Variants in GALNS observed in about 807,000 individuals in gnomAD.
GALNS encodes galactosamine (N-acetyl)-6-sulfatase, also known as N-acetylgalactosamine-6-sulfatase.
In GALNS, 65 loss-of-function variants were observed where a neutral mutation model predicts 65.9. That is an observed-to-expected ratio of 0.99 (90% confidence interval 0.81 to 1.21). The LOEUF (loss-of-function observed/expected upper bound fraction) is 1.21. GALNS is among the 50% of genes most tolerant of loss of function. GALNS has a pLI of 0.00. For missense variants in GALNS, 776 were observed against 700.7 expected (o/e 1.11, Z -1.21); for synonymous variants, 346 against 288.9 (o/e 1.20, Z -2.00).
At chr16:88,842,049 G>T in intron 2 of GALNS, 78 bp from the exon 3 acceptor site, 1 of 1,271,106 alleles carries the variant, frequency 7.9e-7, no homozygotes, top group Non-Finnish European at 1.1e-6. Context: ...GAGCCCCAAC[G>T]AGTAGACAGA....
chr16:88,822,931 G>A (rs1484008272), intron 11 of GALNS, among the ~76,000 whole-genome samples: 1 of 152,186 alleles, frequency 6.6e-6, no homozygotes, highest in Non-Finnish European at 1.5e-5. Flanking sequence ...AAACGCTGAA[G>A]GACTAGCGGG....
At chr16:88,835,577 C>A in intron 7 of GALNS, 148 bp downstream of exon 7, 1 of 1,346,774 alleles carries the variant, frequency 7.4e-7, no homozygotes, top group East Asian at 2.3e-5. Flanking sequence ...TCTGCTGATC[C>A]CAGGCCAGTG....
At position 88,842,772 on chromosome 16, in the gene GALNS, C is replaced by T. The variant is rs118204447; in HGVS notation, c.178G>A (p.Asp60Asn). ...AGCAGCCCTTCTGCAGCCATCCGGTCCAAATTCGGGGTCTCTCTGGAGGGC... is the reference window on the plus strand; with the variant it reads ...AGCAGCCCTTCTGCAGCCATCCGGTTCAAATTCGGGGTCTCTCTGGAGGGC... ...GEPSRETPNLDRMAAEGLLFP... is the reference protein window; with the variant it reads ...GEPSRETPNLNRMAAEGLLFP... The change falls in exon 2 of 14, where the codon GAC becomes AAC. Residue 60 changes from aspartate to asparagine, a missense_variant. By Grantham distance (23) the Asp-to-Asn change is conservative. Transcript: ENST00000268695. The T allele has an allele frequency of 5.0e-6, 8 of 1,613,112 alleles. No homozygotes were observed. Among genetic ancestry groups the T allele is most frequent in the African/African-American group, 4.0e-5 (3 of 74,926 alleles).
chr16:88,855,346 G>C, intron 1 of GALNS: 1 of 699,924 alleles, frequency 1.4e-6, no homozygotes, highest in Non-Finnish European at 2.6e-6. Flanking sequence ...ATGAAAAGAA[G>C]AAATTCTGAA....
At chr16:88,853,513 G>C (rs907531324) in intron 1 of GALNS, among the ~76,000 whole-genome samples, 12 of 152,174 alleles carry the variant, frequency 7.9e-5, no homozygotes, top group Non-Finnish European at 1.5e-4. Context: ...GAGCTGGCCT[G>C]GGTGGCCCTG....
chr16:88,814,023 T>C lies in GALNS; in HGVS notation c.*416A>G, dbSNP rs1410519510. On this transcript the variant is annotated 3_prime_UTR_variant, in exon 14 of 14. Coordinates refer to ENST00000268695, the MANE Select transcript of GALNS (RefSeq NM_000512.5). ...AATGTACGCCATACACATACTGATC[T>C]TGTGTCTCCCTAAGATGTATAAAGG... is the stretch of plus-strand genomic sequence containing the variant. 3.1e-6 allele frequency: 1 copy of C among 327,212 alleles called. No homozygotes were observed. Among genetic ancestry groups the C allele is most frequent in the Admixed American group, 4.2e-5 (1 of 23,724 alleles). The allele number at this position is 327,212 out of a possible 1,614,324, so 20.3% of individuals were successfully genotyped here.
chr16:88,815,850 T>A (rs1909567299), intron 13 of GALNS: 1 of 974,774 alleles, frequency 1.0e-6, no homozygotes, highest in African/African-American at 2.0e-5. Context: ...AGGGTGTGTT[T>A]GAGTCTGGAT....
In GALNS at chr16:88,826,694, G is replaced by A; in HGVS notation, c.1139+8C>T. On this transcript the variant is annotated splice_region_variant and intron_variant, in intron 10 of 13. Transcript: ENST00000268695. ...GGGGGAAGGGGCCGGGGCAGGTCTA[G>A]CACCAACCTGTCCATCAGCCGGCCC... 6.2e-7 allele frequency: 1 copy of A among 1,612,144 alleles called. No homozygotes were observed. Among genetic ancestry groups the A allele is most frequent in the Non-Finnish European group, 8.5e-7 (1 of 1,179,424 alleles).
At chr16:88,843,362 C>T (rs780091053) in intron 1 of GALNS, 22 of 506,484 alleles carry the variant, frequency 4.3e-5, no homozygotes, top group Non-Finnish European at 6.5e-5. Flanking sequence ...AACTTACGTC[C>T]ACACGCAGGC....
At chr16:88,840,927 C>T in intron 4 of GALNS, 65 bp downstream of exon 4, 1 of 1,329,978 alleles carries the variant, frequency 7.5e-7, no homozygotes, top group Non-Finnish European at 1.1e-6. Flanking sequence ...GGCCATGTCC[C>T]TTGGAACCAA....
chr16:88,820,240 C>T (rs3859025), intron 12 of GALNS, among the ~76,000 whole-genome samples: 68,262 of 151,868 alleles, frequency 0.45, 16,243 homozygotes, highest in East Asian at 0.71. Flanking sequence ...GCAATTCTCC[C>T]GCCTCACCTT....
intron 1 of GALNS, among the ~76,000 whole-genome samples, chr16:88,851,343 G>A (rs1252439849): frequency 6.6e-6 from 1 of 152,124 alleles, no homozygotes; most frequent in African/African-American, 2.4e-5. Flanking sequence ...GACAGACACT[G>A]TCACTAAAAA....
intron 1 of GALNS, chr16:88,855,348 A>C: frequency 2.9e-6 from 2 of 700,204 alleles, no homozygotes; most frequent in South Asian, 3.0e-5. Flanking sequence ...GAAAAGAAGA[A>C]ATTCTGAAAC....
chr16:88,830,378 C>T (rs1184883631), intron 9 of GALNS, among the ~76,000 whole-genome samples: 1 of 152,134 alleles, frequency 6.6e-6, no homozygotes, highest in Admixed American at 6.5e-5. Flanking sequence ...AGAACATCTC[C>T]TGGAGCCTCC....
At chr16:88,841,198 C>T (rs796908083) in intron 3 of GALNS, 104 bp from the exon 4 acceptor site, 3 of 874,936 alleles carry the variant, frequency 3.4e-6, no homozygotes, top group South Asian at 2.7e-5. Flanking sequence ...CCTAACAGGA[C>T]ACTGGCCCCT....
Position 88,837,413 on chromosome 16 carries a change from G to A in GALNS, c.566+209C>T, listed in dbSNP as rs557329962. Among the ~76,000 whole-genome samples the A allele has an allele frequency of 3.3e-5, 5 of 152,322 alleles. No homozygotes were observed. The South Asian group carries it at 1.0e-3, about 32-fold the overall frequency. On this transcript the variant is annotated intron_variant, in intron 5 of 13. Coordinates refer to ENST00000268695, the MANE Select transcript of GALNS (RefSeq NM_000512.5). The stretch of plus-strand genomic sequence containing the variant: ...CAGGGATCTACGACCCTGAAAAGGT[G>A]GGAAACCCCAGGCAGGAGTCTCATA...
chr16:88,842,093 G>A, intron 2 of GALNS, 122 bp from the exon 3 acceptor site: 1 of 866,058 alleles, frequency 1.2e-6, no homozygotes, highest in Non-Finnish European at 1.9e-6. Context: ...AGGTTTACAA[G>A]GGGCTGCCAC....
At chr16:88,851,876 C>A (rs1967524631) in intron 1 of GALNS, among the ~76,000 whole-genome samples, 1 of 152,352 alleles carries the variant, frequency 6.6e-6, no homozygotes, top group Admixed American at 6.5e-5. Context: ...CGGGCAGAGC[C>A]CACCGCAGCT....
intron 3 of GALNS, among the ~76,000 whole-genome samples, chr16:88,841,429 T>A (rs564527924): frequency 3.6e-4 from 55 of 152,160 alleles, no homozygotes; most frequent in African/African-American, 1.2e-3. Flanking sequence ...GTCTCTGGAA[T>A]ATGCCACGTG....
Sources: allele counts gnomAD v4.1 joint callset (sites outside exome capture counted in the v4.1 genomes callset), GRCh38; gene constraint gnomAD v4.1.1; transcripts MANE v1.5; gene names NCBI Gene and HGNC (gene_info 2026-07-23, HGNC 2026-07-21).